AKAP19: variants seen among roughly 807,000 people sequenced by gnomAD.
AKAP19 encodes A-kinase anchoring protein 19, also known as small A-kinase anchoring protein.
chr2:190,161,866 G>A, the AKAP19 span, among the ~76,000 whole-genome samples: 1 of 152,132 alleles, frequency 6.6e-6, no homozygotes, highest in Admixed American at 6.5e-5. Flanking sequence ...AACTAGGAGT[G>A]ACTTAGAGAC....
At chr2:189,993,687 A>T in the AKAP19 span, among the ~76,000 whole-genome samples, 1 of 151,886 alleles carries the variant, frequency 6.6e-6, no homozygotes, top group African/African-American at 2.4e-5. Context: ...CAATCTCATT[A>T]CTTGTTATTT....
chr2:189,910,814 T>A, the AKAP19 span, among the ~76,000 whole-genome samples: 5 of 152,044 alleles, frequency 3.3e-5, no homozygotes, highest in African/African-American at 9.7e-5. Context: ...TAAAAGGGTG[T>A]TTATAAGGAC....
At chr2:189,962,625 G>T in the AKAP19 span, among the ~76,000 whole-genome samples, 5 of 152,044 alleles carry the variant, frequency 3.3e-5, no homozygotes, top group African/African-American at 1.2e-4. Flanking sequence ...ATTAACAGTG[G>T]TTACCTCTGG....
chr2:190,166,317 C>CTTTTTTTTTTTTTTT, the AKAP19 span, among the ~76,000 whole-genome samples: 128 of 65,302 alleles, frequency 2.0e-3, 11 homozygotes, highest in African/African-American at 8.1e-3. Flanking sequence ...AAAATCCACT[C>CTTTTTTTTTTTTTTT]TTTTTTTTTT....
chr2:189,976,659 C>T, the AKAP19 span, among the ~76,000 whole-genome samples: 3 of 152,236 alleles, frequency 2.0e-5, no homozygotes, highest in Admixed American at 6.5e-5. Flanking sequence ...TGTTTACCTA[C>T]TCAAGCCTCA....
chr2:190,021,561 C>G, the AKAP19 span, among the ~76,000 whole-genome samples: 5 of 152,316 alleles, frequency 3.3e-5, no homozygotes, highest in Admixed American at 6.5e-5. Flanking sequence ...AGCTGATAGC[C>G]TCCAGCTGTA....
the AKAP19 span, among the ~76,000 whole-genome samples, chr2:189,998,877 A>T: frequency 6.8e-6 from 1 of 147,740 alleles, no homozygotes; most frequent in African/African-American, 2.5e-5. Flanking sequence ...AGTTCAAGCA[A>T]TTTTCCTGCC....
chr2:190,020,116 A>G, the AKAP19 span, among the ~76,000 whole-genome samples: 1 of 152,196 alleles, frequency 6.6e-6, no homozygotes, highest in Admixed American at 6.5e-5. Context: ...GTCGACTGTT[A>G]GCACCAAGTC....
chr2:190,011,033 T>A, the AKAP19 span, among the ~76,000 whole-genome samples: 1 of 149,880 alleles, frequency 6.7e-6, no homozygotes, highest in Non-Finnish European at 1.5e-5. Flanking sequence ...TCTCCCATTC[T>A]CTCATTCTCT....
the AKAP19 span, among the ~76,000 whole-genome samples, chr2:190,167,377 T>C: frequency 4.6e-5 from 7 of 152,074 alleles, no homozygotes. Flanking sequence ...AAGATGAAAT[T>C]TGGGTAGAGA....
the AKAP19 span, among the ~76,000 whole-genome samples, chr2:190,129,805 C>A: frequency 1.3e-5 from 2 of 151,996 alleles, no homozygotes; most frequent in South Asian, 4.1e-4. Flanking sequence ...AAAGATAGAC[C>A]TATCTCTAAA....
chr2:190,198,921 G>A, the AKAP19 span, among the ~76,000 whole-genome samples: 5 of 152,302 alleles, frequency 3.3e-5, no homozygotes, highest in Admixed American at 3.3e-4. Flanking sequence ...CATCAAACAA[G>A]GGTAGGAATG....
At chr2:190,140,952 C>T in the AKAP19 span, among the ~76,000 whole-genome samples, 23 of 152,268 alleles carry the variant, frequency 1.5e-4, no homozygotes, top group East Asian at 3.9e-3. Flanking sequence ...GCCAGGTACC[C>T]TACGTCATCT....
At chr2:190,159,348 C>T in the AKAP19 span, among the ~76,000 whole-genome samples, 1 of 152,090 alleles carries the variant, frequency 6.6e-6, no homozygotes, top group East Asian at 1.9e-4. Context: ...TTGTGCTGAG[C>T]CTTTGTATTC....
At chr2:190,045,720 A>C in the AKAP19 span, among the ~76,000 whole-genome samples, 1 of 152,206 alleles carries the variant, frequency 6.6e-6, no homozygotes, top group Non-Finnish European at 1.5e-5. Flanking sequence ...GTGAGGTGCC[A>C]TGGAAGTGGG....
the AKAP19 span, chr2:190,062,165 C>T: frequency 6.3e-7 from 1 of 1,589,776 alleles, no homozygotes; most frequent in Non-Finnish European, 8.6e-7. Context: ...ATCTGTTTCT[C>T]ATAAACACTA....
At chr2:189,924,232 T>C in the AKAP19 span, 1 of 1,472,528 alleles carries the variant, frequency 6.8e-7, no homozygotes, top group East Asian at 2.3e-5. Context: ...TAGTGGGGTT[T>C]AGAAATCTTA....
At chr2:190,092,133 A>G in the AKAP19 span, among the ~76,000 whole-genome samples, 1 of 152,184 alleles carries the variant, frequency 6.6e-6, no homozygotes, top group African/African-American at 2.4e-5. Context: ...TGTTATAATA[A>G]TATTCAAAAC....
At chr2:190,005,317 A>AGTGCTGATTGGTCCATTTTACAGT in the AKAP19 span, among the ~76,000 whole-genome samples, 1 of 152,230 alleles carries the variant, frequency 6.6e-6, no homozygotes, top group Non-Finnish European at 1.5e-5. Flanking sequence ...CATTTTACAG[A>AGTGCTGATTGGTCCATTTTACAGT]GTGCTGATTG....
Sources: gnomAD v4.1 joint callset for allele counts (sites outside exome capture counted in the v4.1 genomes callset) on GRCh38, gnomAD v4.1.1 for gene constraint, MANE v1.5 for transcripts, NCBI Gene and HGNC (gene_info 2026-07-23, HGNC 2026-07-21) for gene names.